AGBL1: variants seen among roughly 807,000 people sequenced by gnomAD.
AGBL1 encodes cytosolic carboxypeptidase 4.
Under a neutral mutation model 118.9 loss-of-function variants are expected in AGBL1, and 130 were observed. That is an observed-to-expected ratio of 1.09 (90% CI 0.95 to 1.26). AGBL1 has a LOEUF of 1.26. Among genes scored for constraint, AGBL1 ranks in the 50% most tolerant of loss-of-function variants. The probability of loss-of-function intolerance (pLI) is 0.00; values close to 1 mark genes in which losing one functional copy is unlikely to be tolerated. For synonymous variants in AGBL1, 555 were observed against 478.9 expected, an observed-to-expected ratio of 1.16 and a Z score of -2.08; for missense variants, 1,584 against 1,298.1, an observed-to-expected ratio of 1.22 and a Z score of -3.38.
At position 86,613,027 on chromosome 15, in the gene AGBL1, TTGTC is replaced by T. The variant is rs140023249; in HGVS notation, c.2994+58494_2994+58497del. Among the ~76,000 whole-genome samples the T allele has an allele frequency of 0.017, 2,630 of 152,326 alleles. 77 individuals are homozygous for T. The highest frequency in any genetic ancestry group is 0.06 in the African/African-American group (2,493 of 41,566). ...ACCTTACATATAATGATTCATGTCT[TTGTC>T]TGTAACTTTTGTCTCCCTAAAATGT... On this transcript the variant is annotated intron_variant, in intron 21 of 22. Transcript: ENST00000614907. This position sits in a 1 kb window ranked among gnomAD's most constrained non-coding sequence, Gnocchi z 4.2.
intron 22 of AGBL1, among the ~76,000 whole-genome samples, chr15:86,729,644 C>A (rs2077502124): frequency 6.6e-6 from 1 of 152,210 alleles, no homozygotes; most frequent in African/African-American, 2.4e-5. Flanking sequence ...TTCCCTGGTG[C>A]ATATGTACCG....
Position 86,159,045 on chromosome 15 carries a change from T to C in AGBL1, c.488+19T>C, listed in dbSNP as rs376965409. ...CAATCAGGTACAGAGTGCCATGTAA[T>C]ACTTCTGCCCCTTTTGTAACAGATG... is the stretch of plus-strand genomic sequence containing the variant. On this transcript the variant is annotated intron_variant, in intron 5 of 22. Coordinates refer to ENST00000614907, the MANE Select transcript of AGBL1 (RefSeq NM_001386094.1). 450 of 1,606,128 alleles carry C rather than the reference T, an allele frequency of 2.8e-4. 2 individuals are homozygous for C. The African/African-American group carries it at 5.1e-3, about 18-fold the overall frequency.
chr15:86,707,088 C>T (rs2086463949), intron 22 of AGBL1, among the ~76,000 whole-genome samples: 2 of 152,098 alleles, frequency 1.3e-5, no homozygotes, highest in South Asian at 4.1e-4. Flanking sequence ...TCTATCTGTT[C>T]ATCTCTCTAG....
At chr15:86,435,872 T>C (rs1451646915) in intron 18 of AGBL1, among the ~76,000 whole-genome samples, 2 of 152,252 alleles carry the variant, frequency 1.3e-5, no homozygotes, top group Non-Finnish European at 2.9e-5. Context: ...TCTTCAGCTA[T>C]TGTAATTCTA....
chr15:86,779,252 C>A (rs1414083895), intron 22 of AGBL1, among the ~76,000 whole-genome samples: 1 of 152,188 alleles, frequency 6.6e-6, no homozygotes, highest in Non-Finnish European at 1.5e-5. Flanking sequence ...CATCTGTGAA[C>A]CAGGAGACAG....
intron 22 of AGBL1, among the ~76,000 whole-genome samples, chr15:86,741,793 T>C (rs1193965415): frequency 6.6e-6 from 1 of 152,136 alleles, no homozygotes; most frequent in Non-Finnish European, 1.5e-5. Context: ...AACCTCTCCT[T>C]GTTTTAGTTA....
intron 17 of AGBL1, among the ~76,000 whole-genome samples, chr15:86,318,186 A>G (rs1174285336): frequency 6.6e-6 from 1 of 152,218 alleles, no homozygotes; most frequent in Non-Finnish European, 1.5e-5. Context: ...GTGGGGATGT[A>G]ATTTTTTAAA....
At chr15:86,483,877 T>C (rs1025395295) in intron 18 of AGBL1, among the ~76,000 whole-genome samples, 2 of 152,170 alleles carry the variant, frequency 1.3e-5, no homozygotes, top group Non-Finnish European at 2.9e-5. Context: ...TCTTGAATAC[T>C]GTTATGATCT....
chr15:86,613,366 C>T lies in AGBL1; in HGVS notation c.2994+58829C>T, dbSNP rs557895050. 4.6e-5 allele frequency among the ~76,000 whole-genome samples: 7 copies of T among 152,070 alleles called. No individual in the cohort carries two copies. The East Asian group carries it at 5.8e-4, about 13-fold the overall frequency. ...TGGATCTAATGGGGCAGTAGGACAC[C>T]GGTTGGTGCGTGGACAGTTAGTGGG... On this transcript the variant is annotated intron_variant, in intron 21 of 22. Transcript: ENST00000614907. The surrounding 1 kb of genome is among the most constrained non-coding windows in gnomAD (Gnocchi z 4.2).
intron 20 of AGBL1, among the ~76,000 whole-genome samples, chr15:86,552,588 C>G (rs2083679208): frequency 6.6e-6 from 1 of 152,198 alleles, no homozygotes; most frequent in African/African-American, 2.4e-5. Context: ...CCTCTATGAG[C>G]AACATACTGC....
At chr15:86,857,136 T>C (rs1163017412) in intron 22 of AGBL1, among the ~76,000 whole-genome samples, 1 of 152,128 alleles carries the variant, frequency 6.6e-6, no homozygotes, top group African/African-American at 2.4e-5. Flanking sequence ...CCTTCTCCGG[T>C]TTATCCATCC....
chr15:86,554,495 C>A lies in AGBL1; in HGVS notation c.2952C>A (p.Thr984=). 1.3e-6 allele frequency: 2 copies of A among 1,571,550 alleles called. No homozygotes were observed. Among genetic ancestry groups the A allele is most frequent in the Non-Finnish European group, 8.6e-7 (1 of 1,160,540 alleles). ...AGATGGGGGTGTCCAGAAGCTACAC[C>A]ATGGAAAGCAGCTACTGTGGCTGCA... ...WREMGVSRSY[T]MESSYCGCNQ... Residue 984 remains threonine (T), a synonymous_variant, in exon 21 of 23, where the codon ACC becomes ACA. Transcript: ENST00000614907.
intron 7 of AGBL1, among the ~76,000 whole-genome samples, chr15:86,248,103 A>T (rs1268762659): frequency 6.6e-6 from 1 of 152,188 alleles, no homozygotes; most frequent in Non-Finnish European, 1.5e-5. Flanking sequence ...GATCACCTGA[A>T]GTCAGGAGTT....
chr15:86,632,190 CCCAGGAGTT>C (rs2084982309), intron 21 of AGBL1, among the ~76,000 whole-genome samples: 1 of 151,004 alleles, frequency 6.6e-6, no homozygotes. Context: ...ATCACTTGAG[CCCAGGAGTT>C]CCAGGCTGCA....
intron 22 of AGBL1, among the ~76,000 whole-genome samples, chr15:86,827,483 A>ATG (rs373353099): frequency 2.1e-4 from 1 of 4,776 alleles, no homozygotes; most frequent in Non-Finnish European, 3.6e-4. Flanking sequence ...ATATATATAT[A>ATG]TGTGTGTATA....
intron 17 of AGBL1, among the ~76,000 whole-genome samples, chr15:86,396,629 G>A (rs1174280759): frequency 1.3e-5 from 2 of 152,154 alleles, no homozygotes; most frequent in Non-Finnish European, 1.5e-5. Flanking sequence ...TTTCTGCTAA[G>A]GAATGAGAGG....
chr15:87,004,624 G>A (rs2081478500), intron 24 of AGBL1, among the ~76,000 whole-genome samples: 4 of 152,040 alleles, frequency 2.6e-5, no homozygotes, highest in Admixed American at 2.6e-4. Flanking sequence ...CACACTGATG[G>A]GTCTTGACTC....
chr15:86,154,746 TCTC>T (rs1407196550), intron 4 of AGBL1, among the ~76,000 whole-genome samples, 185 bp downstream of exon 4: 1 of 152,138 alleles, frequency 6.6e-6, no homozygotes, highest in African/African-American at 2.4e-5. Context: ...TTCATCATCT[TCTC>T]CTTAGCTGGG....
chr15:86,666,879 C>T (rs1419246835), intron 21 of AGBL1, among the ~76,000 whole-genome samples: 1 of 152,144 alleles, frequency 6.6e-6, no homozygotes, highest in Non-Finnish European at 1.5e-5. Context: ...AGTGGAAGCA[C>T]TAGGACTGTA....
Sources: gnomAD v4.1 joint callset for allele counts (sites outside exome capture counted in the v4.1 genomes callset) on GRCh38, gnomAD v4.1.1 for gene constraint, Gnocchi (gnomAD v3.1) non-coding constraint, MANE v1.5 for transcripts, NCBI Gene and HGNC (gene_info 2026-07-23, HGNC 2026-07-21) for gene names.